Variants in ARSG observed in about 807,000 individuals in gnomAD.
ARSG encodes the protein ASG.
A neutral mutation model predicts 50.5 loss-of-function variants in ARSG; 37 were observed. The observed-to-expected ratio is 0.73, with a 90% CI of 0.56 to 0.96. ARSG has a LOEUF of 0.96. Among genes scored for constraint, ARSG ranks in the 50% least tolerant of loss-of-function variants. ARSG has a pLI of 0.00. For missense variants in ARSG, 629 were observed against 675.3 expected (o/e 0.93, Z 0.76); for synonymous variants, 225 against 254.6 (o/e 0.88, Z 1.11).
intron 8 of ARSG, among the ~76,000 whole-genome samples, chr17:68,384,658 C>T (rs1031410528): frequency 1.3e-5 from 2 of 152,182 alleles, no homozygotes; most frequent in African/African-American, 4.8e-5. Context: ...CAGACAGTCA[C>T]ATTATGATCA....
intron 2 of ARSG, among the ~76,000 whole-genome samples, chr17:68,341,357 A>G (rs1599790160): frequency 6.6e-6 from 1 of 152,196 alleles, no homozygotes; most frequent in African/African-American, 2.4e-5. Flanking sequence ...CAAACTGTAT[A>G]ACAACATAGT....
chr17:68,352,850 A>G (rs2078864681), intron 5 of ARSG, among the ~76,000 whole-genome samples: 2 of 151,666 alleles, frequency 1.3e-5, no homozygotes, highest in South Asian at 4.2e-4. Context: ...CCTCTTTGTC[A>G]TTGTATTTCC....
intron 2 of ARSG, among the ~76,000 whole-genome samples, chr17:68,331,667 A>G (rs1196307571): frequency 1.3e-5 from 2 of 152,118 alleles, no homozygotes; most frequent in Non-Finnish European, 2.9e-5. Flanking sequence ...TGGCCTGACT[A>G]TTGGGGGAAA....
chr17:68,423,387 G>A (rs1341326660), downstream of ARSG, among the ~76,000 whole-genome samples: 3 of 152,176 alleles, frequency 2.0e-5, no homozygotes, highest in Non-Finnish European at 1.5e-5. The surrounding 1 kb of genome is among the most constrained non-coding windows in gnomAD (Gnocchi z 4.4). Flanking sequence ...TACTGAGACA[G>A]TGCCTTAGTG....
At chr17:68,434,327 A>G in the ARSG span, among the ~76,000 whole-genome samples, 6 of 152,146 alleles carry the variant, frequency 3.9e-5, no homozygotes, top group Non-Finnish European at 8.8e-5. Flanking sequence ...CCACACACAC[A>G]TCAAAAAGGG....
chr17:68,388,937 A>T (rs1201430417), intron 9 of ARSG, among the ~76,000 whole-genome samples: 1 of 151,384 alleles, frequency 6.6e-6, no homozygotes, highest in Non-Finnish European at 1.5e-5. Flanking sequence ...AAAAAAAAAA[A>T]AAAAAAAAGA....
intron 2 of ARSG, among the ~76,000 whole-genome samples, chr17:68,314,525 CAA>C (rs57021660): frequency 0.16 from 19,207 of 116,642 alleles, 1,715 homozygotes; most frequent in East Asian, 0.28. Context: ...GACTCCATCT[CAA>C]AAAAAAAAAA....
chr17:68,426,251 G>GGGGGGGGGGGGGGTA, downstream of ARSG: 1 of 825,460 alleles, frequency 1.2e-6, no homozygotes, highest in Admixed American at 2.3e-5. Context: ...GTGGGGAGCG[G>GGGGGGGGGGGGGGTA]GGGCTCAAAT....
intron 8 of ARSG, among the ~76,000 whole-genome samples, chr17:68,383,809 T>C (rs1458620036): frequency 6.6e-6 from 1 of 152,202 alleles, no homozygotes; most frequent in Non-Finnish European, 1.5e-5. Context: ...CTGGGCTAGA[T>C]CAAAGAGCGT....
At chr17:68,419,995 T>C (rs1483471546) in intron 11 of ARSG, among the ~76,000 whole-genome samples, 194 bp from the exon 12 acceptor site, 10 of 151,918 alleles carry the variant, frequency 6.6e-5, no homozygotes, top group Admixed American at 6.6e-4. Context: ...GCAAAACATT[T>C]TGGACCACAG....
chr17:68,355,454 G>T (rs1425501368), intron 5 of ARSG, among the ~76,000 whole-genome samples: 2 of 152,200 alleles, frequency 1.3e-5, no homozygotes, highest in Non-Finnish European at 2.9e-5. Flanking sequence ...CGCCTCCTAG[G>T]TTCAAGCAAT....
At chr17:68,292,723 A>G (rs998109763) in intron 1 of ARSG, among the ~76,000 whole-genome samples, 1 of 152,088 alleles carries the variant, frequency 6.6e-6, no homozygotes, top group African/African-American at 2.4e-5. Flanking sequence ...TTCTCTCACC[A>G]TTTTGGGATA....
At chr17:68,434,314 C>T in the ARSG span, among the ~76,000 whole-genome samples, 3 of 152,140 alleles carry the variant, frequency 2.0e-5, no homozygotes, top group East Asian at 1.9e-4. Context: ...CTGTGCCGGC[C>T]GCCCACACAC....
rs113178748 is a variant in ARSG at position 68,381,191 on chromosome 17, G to A, written c.983-3873G>A. On this transcript the variant is annotated intron_variant, in intron 8 of 11. Transcript: ENST00000621439. The surrounding 1 kb of genome is among the most constrained non-coding windows in gnomAD (Gnocchi z 4.1). ...AAGAAAGACCACTGTTCCTCCGCGT[G>A]GGCAGTGGTGAGTCTTCCCCGGCCT... 2.0e-5 allele frequency among the ~76,000 whole-genome samples: 3 copies of A among 152,276 alleles called. No homozygotes were observed. The highest frequency in any genetic ancestry group is 7.2e-5 in the African/African-American group (3 of 41,556).
chr17:68,282,154 T>C (rs1354586285), intron 1 of ARSG, among the ~76,000 whole-genome samples: 1 of 152,106 alleles, frequency 6.6e-6, no homozygotes, highest in Non-Finnish European at 1.5e-5. Flanking sequence ...ATATATACCA[T>C]GGAATACTAT....
intron 10 of ARSG, among the ~76,000 whole-genome samples, chr17:68,396,737 C>T (rs570860106): frequency 2.6e-5 from 4 of 152,284 alleles, no homozygotes; most frequent in Admixed American, 2.6e-4. Flanking sequence ...TATGGGCCAT[C>T]GGTTCTTCTG....
At chr17:68,305,467 C>T (rs1568442350) in intron 1 of ARSG, among the ~76,000 whole-genome samples, 1 of 152,194 alleles carries the variant, frequency 6.6e-6, no homozygotes, top group African/African-American at 2.4e-5. Flanking sequence ...CAGGCCCAGC[C>T]TTACCTACTG....
intron 2 of ARSG, among the ~76,000 whole-genome samples, chr17:68,333,720 C>A (rs1380338146): frequency 6.6e-6 from 1 of 151,546 alleles, no homozygotes; most frequent in Admixed American, 6.6e-5. Context: ...GAGTGTGAGC[C>A]AAGAGGATCC....
chr17:68,304,859 C>T (rs2076548844), intron 1 of ARSG, among the ~76,000 whole-genome samples: 2 of 152,304 alleles, frequency 1.3e-5, no homozygotes, highest in South Asian at 4.1e-4. Flanking sequence ...TCCACAATTT[C>T]AACTCTGTTC....
Sources: gnomAD v4.1 joint callset for allele counts (sites outside exome capture counted in the v4.1 genomes callset) on GRCh38, gnomAD v4.1.1 for gene constraint, Gnocchi (gnomAD v3.1) non-coding constraint, MANE v1.5 for transcripts, NCBI Gene and HGNC (gene_info 2026-07-23, HGNC 2026-07-21) for gene names.